Variants in NMD3 observed in about 807,000 individuals in gnomAD.
NMD3 encodes the protein NMD3 ribosome export adaptor.
Under a neutral mutation model 73.1 loss-of-function variants are expected in NMD3, and 47 were observed. The ratio of observed to expected loss-of-function variants is 0.64; its 90% CI spans 0.51 to 0.82. The LOEUF (loss-of-function observed/expected upper bound fraction) is 0.82. Among genes scored for constraint, NMD3 ranks in the 40% least tolerant of loss-of-function variants. The pLI is 0.00. For synonymous variants in NMD3, 210 were observed against 194.5 expected (o/e 1.08, Z -0.66); for missense variants, 554 against 612.5 (o/e 0.90, Z 1.01).
chr3:161,242,130 A>C (rs1189159149), intron 10 of NMD3, among the ~76,000 whole-genome samples: 1 of 152,116 alleles, frequency 6.6e-6, no homozygotes, highest in Non-Finnish European at 1.5e-5. Context: ...TTCTTTACCT[A>C]TCTGGTAGAA....
At chr3:161,243,392 T>C (rs1737066821) in intron 11 of NMD3, among the ~76,000 whole-genome samples, 3 of 152,176 alleles carry the variant, frequency 2.0e-5, no homozygotes. Context: ...ATGAAAACTT[T>C]GAAAGGGAAA....
chr3:161,233,642 T>C (rs1736627369), intron 5 of NMD3, among the ~76,000 whole-genome samples, 163 bp downstream of exon 5: 1 of 152,244 alleles, frequency 6.6e-6, no homozygotes, highest in African/African-American at 2.4e-5. Flanking sequence ...ATTAGATCAC[T>C]AGTAAGAGTA....
At chr3:161,224,452 TC>T (rs1197597571) in intron 2 of NMD3, among the ~76,000 whole-genome samples, 1 of 152,158 alleles carries the variant, frequency 6.6e-6, no homozygotes, top group Non-Finnish European at 1.5e-5. Context: ...ACAGGGTTAT[TC>T]TTTATCTACT....
chr3:161,224,316 A>G (rs1293232462), intron 2 of NMD3, among the ~76,000 whole-genome samples: 1 of 152,230 alleles, frequency 6.6e-6, no homozygotes, highest in Non-Finnish European at 1.5e-5. Context: ...AGACCAGAAT[A>G]GAACATTTCT....
rs1342033384 is a variant in NMD3, at chr3:161,249,449, T to C, written c.1204-5T>C. The C allele has an allele frequency of 2.5e-6, 4 of 1,572,218 alleles. 1 individual carries two copies. In the South Asian group the frequency reaches 4.6e-5, roughly 18 times the overall value. ...TTTGTAACTTTACAAATATTTATCT[T>C]GCAGGTATTAATCAAGAAGAGCTAT... On this transcript the variant is annotated splice_polypyrimidine_tract_variant and splice_region_variant and intron_variant, in intron 13 of 15. Transcript: ENST00000351193.
chr3:161,225,879 C>CAT (rs968695886), intron 3 of NMD3, among the ~76,000 whole-genome samples: 3 of 151,448 alleles, frequency 2.0e-5, no homozygotes, highest in South Asian at 2.1e-4. Context: ...TGTATATATA[C>CAT]ATATATATAC....
intron 9 of NMD3, among the ~76,000 whole-genome samples, chr3:161,240,837 ATTTT>A (rs35751107): frequency 8.8e-5 from 13 of 148,026 alleles, no homozygotes; most frequent in Admixed American, 1.3e-4. Flanking sequence ...CTCAGCCAGG[ATTTT>A]TTTTTTTTTA....
chr3:161,221,745 A>G, intron 1 of NMD3: 1 of 320,040 alleles, frequency 3.1e-6, no homozygotes. Context: ...GGTCAGCGGC[A>G]GAGCTGGGTG....
chr3:161,228,762 G>GA (rs1447718495), intron 4 of NMD3, among the ~76,000 whole-genome samples: 1 of 152,186 alleles, frequency 6.6e-6, no homozygotes, highest in African/African-American at 2.4e-5. Context: ...CCCTGTCTTA[G>GA]AAAGCGTGTA....
At chr3:161,244,879 C>T (rs1012874635) in intron 11 of NMD3, among the ~76,000 whole-genome samples, 2 of 151,992 alleles carry the variant, frequency 1.3e-5, no homozygotes, top group African/African-American at 4.8e-5. Flanking sequence ...TGAGCATGAG[C>T]GCCTGCCCTT....
intron 11 of NMD3, 63 bp downstream of exon 11, chr3:161,242,716 C>G (rs781700603): frequency 2.3e-5 from 35 of 1,495,922 alleles, no homozygotes; most frequent in Non-Finnish European, 3.2e-5. Context: ...GTTTCAGTCC[C>G]TCTTTTAAAA....
chr3:161,233,151 A>C (rs776863274), intron 4 of NMD3, among the ~76,000 whole-genome samples: 4 of 149,616 alleles, frequency 2.7e-5, no homozygotes, highest in Non-Finnish European at 3.0e-5. Context: ...TTTTTTTCCT[A>C]TGCAAATACT....
chr3:161,223,482 C>T (rs1736188044), intron 2 of NMD3, among the ~76,000 whole-genome samples: 1 of 139,742 alleles, frequency 7.2e-6, no homozygotes. Flanking sequence ...GTTTATATTT[C>T]AGCAGTCCTT....
intron 9 of NMD3, among the ~76,000 whole-genome samples, chr3:161,240,837 ATTT>A (rs35751107): frequency 0.32 from 47,050 of 147,908 alleles, 7,563 homozygotes; most frequent in East Asian, 0.53. Context: ...CTCAGCCAGG[ATTT>A]TTTTTTTTTT....
At chr3:161,253,505 A>T (rs1249326092), downstream of NMD3, 1 of 152,104 alleles carries the variant, frequency 6.6e-6, no homozygotes, top group Non-Finnish European at 1.5e-5. Flanking sequence ...TTTTTTCCTC[A>T]ACATTTAAGA....
intron 2 of NMD3, 77 bp downstream of exon 2, chr3:161,222,134 C>T (rs963455073): frequency 5.2e-6 from 6 of 1,160,578 alleles, no homozygotes; most frequent in Non-Finnish European, 6.5e-6. Context: ...ATGGAGAACG[C>T]TTGAGGGTGG....
At chr3:161,250,381 A>AG in intron 15 of NMD3, 55 bp downstream of exon 15, 1 of 1,023,394 alleles carries the variant, frequency 9.8e-7, no homozygotes, top group Non-Finnish European at 1.5e-6. Flanking sequence ...TATAGTTCCT[A>AG]GTATGAATAT....
intron 13 of NMD3, among the ~76,000 whole-genome samples, chr3:161,248,819 G>C (rs62279862): frequency 0.17 from 25,259 of 151,938 alleles, 2,297 homozygotes; most frequent in East Asian, 0.24. Flanking sequence ...TTCTTTAGCA[G>C]TGAGCAAAAA....
intron 11 of NMD3, among the ~76,000 whole-genome samples, chr3:161,243,138 G>T (rs1737059109): frequency 6.6e-6 from 1 of 151,950 alleles, no homozygotes; most frequent in South Asian, 2.1e-4. Flanking sequence ...ACCCCCAGTG[G>T]ATTTTTGAAA....
Sources: gnomAD v4.1 joint callset for allele counts (sites outside exome capture counted in the v4.1 genomes callset) on GRCh38, gnomAD v4.1.1 for gene constraint, MANE v1.5 for transcripts, NCBI Gene and HGNC (gene_info 2026-07-23, HGNC 2026-07-21) for gene names.